Variants in TMEM237 observed in about 807,000 individuals in gnomAD.
The protein encoded by TMEM237 is transmembrane protein 237.
In TMEM237, 51 loss-of-function variants were observed where a neutral mutation model predicts 59.1. The ratio of observed to expected loss-of-function variants is 0.86; its 90% confidence interval spans 0.69 to 1.09. The LOEUF (loss-of-function observed/expected upper bound fraction) is 1.09. Ranked by LOEUF, TMEM237 falls within the 50% of genes least tolerant of loss-of-function variation. The pLI, the probability that TMEM237 is intolerant of heterozygous loss-of-function variation, is 0.00. For synonymous variants in TMEM237, 140 were observed against 166.1 expected, an observed-to-expected ratio of 0.84 and a Z score of 1.21; for missense variants, 475 against 478.3, an observed-to-expected ratio of 0.99 and a Z score of 0.06.
chr2:201,626,116 G>A lies in TMEM237; in HGVS notation c.1069C>T (p.Pro357Ser), dbSNP rs753716785. 1.9e-6 allele frequency: 3 copies of A among 1,610,614 alleles called. No homozygotes were observed. Among genetic ancestry groups the A allele is most frequent in the Non-Finnish European group, 2.5e-6 (3 of 1,178,382 alleles). ...ACCACGAGATTCACCACAATCCATG[G>A]CTGGAGAATCTGTTCCTCAATTCCT... ...EAGIEEQILQ[P>S]WIVVNLVVAL... Residue 357 changes from proline to serine, a missense_variant, in exon 12 of 13, where the codon CCA (proline) becomes TCA (serine). By Grantham distance (74) the Pro-to-Ser change is moderately conservative. Transcript: ENST00000409883.
rs1461794959 is a variant in TMEM237, at chr2:201,638,972, A to G, written c.136+17T>C. On this transcript the variant is annotated intron_variant, in intron 4 of 12. Transcript: ENST00000409883. ...GGGAAAACTTGTGATCCCACACAACAAAGAATAACGTCTTACCTGGTGTGT... is the reference window on the plus strand; with the variant it reads ...GGGAAAACTTGTGATCCCACACAACGAAGAATAACGTCTTACCTGGTGTGT... 1.9e-6 allele frequency: 3 copies of G among 1,571,714 alleles called. No homozygotes were observed. Among genetic ancestry groups the G allele is most frequent in the African/African-American group, 2.7e-5 (2 of 73,986 alleles).
intron 6 of TMEM237, 148 bp from the exon 7 acceptor site, chr2:201,632,356 AT>A: frequency 1.2e-6 from 1 of 825,720 alleles, no homozygotes; most frequent in Non-Finnish European, 1.9e-6. Context: ...GTTATTAACT[AT>A]TATGTGCAGC....
intron 1 of TMEM237, chr2:201,642,916 A>C: frequency 1.5e-6 from 2 of 1,333,052 alleles, no homozygotes; most frequent in Non-Finnish European, 1.9e-6. Context: ...GTGGTTTCCT[A>C]AGTGGTGGCG....
Position 201,622,350 on chromosome 2 carries a change from T to C in TMEM237, c.*1905A>G, listed in dbSNP as rs941475138. 3.9e-5 allele frequency: 6 copies of C among 152,252 alleles called. No homozygotes were observed. Among genetic ancestry groups the C allele is most frequent in the Admixed American group, 2.0e-4 (3 of 15,286 alleles). 9.4% of individuals were successfully genotyped at this position (152,252 alleles called of 1,614,324 possible). A position where few individuals can be genotyped will look rare whatever the true frequency, so the allele number is the denominator to read the frequency against. On this transcript the variant is annotated 3_prime_UTR_variant, in exon 13 of 13. Coordinates refer to ENST00000409883, the MANE Select transcript of TMEM237 (RefSeq NM_001044385.3). ...CTTACAGTTCTGTATGTCAAAAGTA[T>C]GACATGGGCAGCACCAGGCCAAAAC...
Position 201,643,063 on chromosome 2 carries a change from C to G in TMEM237, c.42+296G>C, listed in dbSNP as rs965621504. On this transcript the variant is annotated intron_variant, in intron 1 of 12. Coordinates refer to ENST00000409883, the MANE Select transcript of TMEM237 (RefSeq NM_001044385.3). The surrounding 1 kb of genome is among the most constrained non-coding windows in gnomAD (Gnocchi z 4.3). ...GAGGCCTGGCTGGAAGCCCCGGCAC[C>G]CGCCGGGCCCCGGGCCTCAGATGAG... is the stretch of plus-strand genomic sequence containing the variant. The G allele has an allele frequency of 8.6e-7, 1 of 1,166,446 alleles. No individual in the cohort carries two copies. Among genetic ancestry groups the G allele is most frequent in the Non-Finnish European group, 1.1e-6 (1 of 896,142 alleles). The allele number at this position is 1,166,446 out of a possible 1,614,324, so 72.3% of individuals were successfully genotyped here.
At chr2:201,631,656 G>C (rs1328769810) in intron 7 of TMEM237, among the ~76,000 whole-genome samples, 1 of 152,108 alleles carries the variant, frequency 6.6e-6, no homozygotes, top group African/African-American at 2.4e-5. Context: ...CATAAATCCA[G>C]AAACAACCAG....
At position 201,629,440 on chromosome 2, in the gene TMEM237, G is replaced by T; in HGVS notation, c.678-19C>A. On this transcript the variant is annotated intron_variant, in intron 8 of 12. Coordinates refer to ENST00000409883, the MANE Select transcript of TMEM237 (RefSeq NM_001044385.3). ...AATCATCCTGAATGGAAAAGGGTTT[G>T]ATTATTATACATGAATTACTAAAGT... The T allele has an allele frequency of 6.6e-7, 1 of 1,512,000 alleles. No individual in the cohort carries two copies. 93.7% of individuals were successfully genotyped at this position (1,512,000 alleles called of 1,614,324 possible). A position where few individuals can be genotyped will look rare whatever the true frequency, so the allele number is the denominator to read the frequency against.
intron 4 of TMEM237, among the ~76,000 whole-genome samples, chr2:201,637,946 T>C (rs1288178666): frequency 6.6e-6 from 1 of 152,148 alleles, no homozygotes; most frequent in Admixed American, 6.5e-5. Flanking sequence ...AGCAAGATAA[T>C]AACTAAAGCT....
At position 201,621,466 on chromosome 2, in the gene TMEM237, C is replaced by A. The variant is rs1957707252; in HGVS notation, c.*2789G>T. 1 of 151,952 alleles carries A rather than the reference C, an allele frequency of 6.6e-6. No homozygotes were observed. Among genetic ancestry groups the A allele is most frequent in the South Asian group, 2.1e-4 (1 of 4,810 alleles). The allele number at this position is 151,952 out of a possible 1,614,324, so 9.4% of individuals were successfully genotyped here. On this transcript the variant is annotated 3_prime_UTR_variant, in exon 13 of 13. Transcript: ENST00000409883. The stretch of plus-strand genomic sequence containing the variant: ...GCATTATTCACAGACTGGAATGAGC[C>A]CAGATATCCTTCAATAGGTCAATGA...
At chr2:201,629,147 T>G in intron 9 of TMEM237, 83 bp downstream of exon 9, 3 of 1,112,288 alleles carry the variant, frequency 2.7e-6, no homozygotes, top group Non-Finnish European at 3.6e-6. Context: ...AATTCTATTT[T>G]GAAAACTATC....
chr2:201,637,744 C>CAAAAA (rs60167652), intron 4 of TMEM237, among the ~76,000 whole-genome samples: 16 of 63,414 alleles, frequency 2.5e-4, no homozygotes, highest in African/African-American at 7.5e-4. Context: ...GACTCCGTCT[C>CAAAAA]AAAAAAAAAA....
rs143516209 is a variant in TMEM237 at position 201,623,148 on chromosome 2, G to A, written c.*1107C>T. ...TTTAGACCTATTGTCAGGGTCAACT[G>A]TCTCTATCATCAATTTGTCAATCCT... is the stretch of plus-strand genomic sequence containing the variant. On this transcript the variant is annotated 3_prime_UTR_variant, in exon 13 of 13. Transcript: ENST00000409883. 2.5e-3 allele frequency: 657 copies of A among 262,042 alleles called. 4 individuals are homozygous for A. Among genetic ancestry groups the A allele is most frequent in the African/African-American group, 0.013 (604 of 45,210 alleles). 16.2% of individuals were successfully genotyped at this position (262,042 alleles called of 1,614,324 possible).
chr2:201,625,218 C>T (rs182933112), intron 12 of TMEM237, among the ~76,000 whole-genome samples: 4 of 151,758 alleles, frequency 2.6e-5, no homozygotes, highest in Admixed American at 6.6e-5. Flanking sequence ...AAAAATTAGC[C>T]GGGCGTGGTG....
Position 201,629,809 on chromosome 2 carries a change from T to C in TMEM237, c.597A>G (p.Thr199=), listed in dbSNP as rs765020724. The change falls in exon 8 of 13, where the codon ACA becomes ACG. Residue 199 remains threonine, a synonymous_variant. Coordinates refer to ENST00000409883, the MANE Select transcript of TMEM237 (RefSeq NM_001044385.3). Reference sequence around the variant, plus strand: ...CGTCCATTGACACATCTATGTTTTCTGTGGTCTTTATCAACTCTGAACGAT... The same window carrying C: ...CGTCCATTGACACATCTATGTTTTCCGTGGTCTTTATCAACTCTGAACGAT... The part of the protein sequence containing the change: ...AADRSELIKT[T]ENIDVSMDVK... 3 of 1,613,518 alleles carry C rather than the reference T, an allele frequency of 1.9e-6. No individual in the cohort carries two copies. Among genetic ancestry groups the C allele is most frequent in the Non-Finnish European group, 2.5e-6 (3 of 1,179,832 alleles).
At chr2:201,629,898 C>G (rs1387168669) in intron 7 of TMEM237, 46 bp from the exon 8 acceptor site, 1 of 1,580,298 alleles carries the variant, frequency 6.3e-7, no homozygotes, top group East Asian at 2.3e-5. Flanking sequence ...AGAGAGAACC[C>G]TGGTAGCCAT....
chr2:201,626,761 C>T (rs1306193965), intron 11 of TMEM237, among the ~76,000 whole-genome samples: 1 of 152,160 alleles, frequency 6.6e-6, no homozygotes, highest in Non-Finnish European at 1.5e-5. Context: ...AGGGCTCCTT[C>T]CGTCCATCAT....
chr2:201,623,998 A>G lies in TMEM237; in HGVS notation c.*257T>C, dbSNP rs1055630512. 85 of 301,398 alleles carry G rather than the reference A, an allele frequency of 2.8e-4. No individual in the cohort carries two copies. Among genetic ancestry groups the G allele is most frequent in the African/African-American group, 1.8e-3 (83 of 46,392 alleles). 18.7% of individuals were successfully genotyped at this position (301,398 alleles called of 1,614,324 possible). ...ATAAATACAACTGTTTTGAGAAAAT[A>G]GGAAATAAACACTTTCACTTGCTGG... On this transcript the variant is annotated 3_prime_UTR_variant, in exon 13 of 13. Coordinates refer to ENST00000409883, the MANE Select transcript of TMEM237 (RefSeq NM_001044385.3).
At chr2:201,631,109 C>G (rs961790427) in intron 7 of TMEM237, 1 of 152,162 alleles carries the variant, frequency 6.6e-6, no homozygotes, top group Non-Finnish European at 1.5e-5. Context: ...CCTAACCCCC[C>G]AGTGAGTGCG....
intron 10 of TMEM237, 26 bp from the exon 11 acceptor site, chr2:201,627,440 T>C: frequency 1.4e-6 from 2 of 1,421,010 alleles, no homozygotes; most frequent in African/African-American, 1.4e-5. Flanking sequence ...ATGAAATTAC[T>C]AATAATTTTT....
Sources: gnomAD v4.1 joint callset for allele counts (sites outside exome capture counted in the v4.1 genomes callset) on GRCh38, gnomAD v4.1.1 for gene constraint, Gnocchi (gnomAD v3.1) non-coding constraint, MANE v1.5 for transcripts, NCBI Gene and HGNC (gene_info 2026-07-23, HGNC 2026-07-21) for gene names.